Variants in BCOR observed in about 807,000 individuals in gnomAD.
BCOR encodes the protein BCL6 corepressor, also known as BCL-6 corepressor.
In BCOR, 10 loss-of-function variants were observed where a neutral mutation model predicts 86.7. The observed-to-expected ratio is 0.12, with a 90% confidence interval of 0.07 to 0.20. The LOEUF is 0.20. BCOR is among the 10% of genes least tolerant of loss of function. The pLI is 1.00. For missense variants in BCOR, 1,259 were observed against 1,452.1 expected (o/e 0.87, Z 2.16); for synonymous variants, 611 against 609.0 (o/e 1.00, Z -0.05).
intron 2 of BCOR, chrX:40,077,427 G>A (rs754494452): frequency 1.7e-5 from 3 of 174,357 alleles, no homozygotes; most frequent in African/African-American, 9.4e-5. Flanking sequence ...AGGCAGCAGA[G>A]GACAATGAGA....
chrX:40,109,208 C>T (rs1462876546), intron 1 of BCOR, among the ~76,000 whole-genome samples: 2 of 112,236 alleles, frequency 1.8e-5, no homozygotes, highest in South Asian at 3.6e-4. Context: ...GCCCGGGAAC[C>T]GGGAGGGCAG....
chrX:40,075,102 G>A lies in BCOR; in HGVS notation c.244C>T (p.Leu82=). 8.3e-7 allele frequency: 1 copy of A among 1,209,420 alleles called. No individual in the cohort carries two copies. Residue 82 remains leucine (L), a synonymous_variant, in exon 4 of 15, where the codon CTG becomes TTG. Coordinates refer to ENST00000378444, the MANE Select transcript of BCOR (RefSeq NM_001123385.2). ...MDRTGLIREG[L]RVPGNIVYSS... is the part of the protein sequence containing the mutation. ...TAGACGATGTTTCCCGGGACCCGCA[G>A]CCCTTCCCGGATCAGGCCAGTGCGG...
At chrX:40,077,633 G>A (rs1935872553) in intron 2 of BCOR, 5 of 435,653 alleles carry the variant, frequency 1.1e-5, no homozygotes, top group Non-Finnish European at 2.0e-5. Flanking sequence ...AAAGTGCACT[G>A]AAAGGCCGCT....
At chrX:40,110,493 C>T (rs1029000070) in intron 1 of BCOR, among the ~76,000 whole-genome samples, 9 of 108,493 alleles carry the variant, frequency 8.3e-5, no homozygotes, top group Non-Finnish European at 1.5e-4. Flanking sequence ...CTTAACATTT[C>T]AGGCAAAATA....
intron 1 of BCOR, among the ~76,000 whole-genome samples, chrX:40,160,064 C>T (rs1355752257): frequency 9.0e-6 from 1 of 111,552 alleles, no homozygotes; most frequent in Non-Finnish European, 1.9e-5. Context: ...AAGTATGGTA[C>T]AGAGATCTGA....
chrX:40,109,604 G>C (rs1239087566), intron 1 of BCOR, among the ~76,000 whole-genome samples: 2 of 111,152 alleles, frequency 1.8e-5, no homozygotes, highest in East Asian at 5.8e-4. Flanking sequence ...ACCCTCCGGG[G>C]CCCGGACGGG....
chrX:40,160,820 C>T (rs1411549326), intron 1 of BCOR, among the ~76,000 whole-genome samples: 4 of 104,753 alleles, frequency 3.8e-5, no homozygotes, highest in Non-Finnish European at 7.8e-5. Flanking sequence ...CACTCCGCCA[C>T]GCCCGGCTAA....
At chrX:40,084,461 C>T (rs1936256276) in intron 1 of BCOR, among the ~76,000 whole-genome samples, 1 of 111,948 alleles carries the variant, frequency 8.9e-6, no homozygotes, top group Non-Finnish European at 1.9e-5. Flanking sequence ...GGAGGCCACC[C>T]GGCAACAGAA....
intron 1 of BCOR, among the ~76,000 whole-genome samples, chrX:40,154,587 C>A (rs1459424328): frequency 9.2e-6 from 1 of 109,154 alleles, no homozygotes; most frequent in Non-Finnish European, 1.9e-5. Flanking sequence ...CTACGTCCCC[C>A]CCACCCCACC....
Position 40,054,006 on chromosome X carries a change from T to C in BCOR, c.4856A>G (p.Asn1619Ser). Residue 1619 changes from asparagine (N) to serine (S), a missense_variant, in exon 14 of 15, where the codon AAC becomes AGC. Transcript: ENST00000378444. ...ATCCTGGTCTTCTGGTCCTGGGGGG[T>C]TGGCTAAAACATCATAGCCACTTTC... ...DDESGYDVLA[N>S]PPGPEDQDDD... 1 of 1,211,304 alleles carries C rather than the reference T, an allele frequency of 8.3e-7. No homozygotes were observed. The highest frequency in any genetic ancestry group is 1.1e-6 in the Non-Finnish European group (1 of 895,249).
chrX:40,054,800 G>A (rs765029182), intron 12 of BCOR, among the ~76,000 whole-genome samples: 10 of 112,710 alleles, frequency 8.9e-5, no homozygotes, highest in Admixed American at 1.9e-4. Context: ...AACTGTGTCC[G>A]GCCTACTTAT....
intron 1 of BCOR, among the ~76,000 whole-genome samples, chrX:40,159,041 A>T (rs1203389365): frequency 1.8e-5 from 2 of 111,325 alleles, no homozygotes; most frequent in South Asian, 3.8e-4. Context: ...CAATTATTTT[A>T]AAAATAATCT....
chrX:40,062,510 C>T (rs770283527), intron 9 of BCOR, 117 bp from the exon 10 acceptor site: 4 of 973,238 alleles, frequency 4.1e-6, no homozygotes, highest in Non-Finnish European at 5.6e-6. Flanking sequence ...TATTCCTTAT[C>T]TTTTTTTGGG....
At position 40,055,423 on chromosome X, in the gene BCOR, T is replaced by G. The variant is rs769483979; in HGVS notation, c.4686A>C (p.Ser1562=). ...GGGTCATTTTCATGATGGTTCTACCTGAGTACGTAGCCAAGGTGGGGTCAG... is the reference window on the plus strand; with the variant it reads ...GGGTCATTTTCATGATGGTTCTACCGGAGTACGTAGCCAAGGTGGGGTCAG... ...YGADPTLATY[S]GRTIMKMTHS... is the part of the protein sequence containing the mutation. Residue 1562 remains serine, a synonymous_variant, in exon 12 of 15, where the codon TCA becomes TCC. Coordinates refer to ENST00000378444, the MANE Select transcript of BCOR (RefSeq NM_001123385.2). 1 of 1,210,956 alleles carries G rather than the reference T, an allele frequency of 8.3e-7. No homozygotes were observed. The highest frequency in any genetic ancestry group is 1.1e-6 in the Non-Finnish European group (1 of 894,450).
rs898781730 is a variant in BCOR, at chrX:40,074,725, G to A, written c.621C>T (p.Leu207=). The stretch of plus-strand genomic sequence containing the variant: ...TCAGTGAATACTTATTTGGCGAGTC[G>A]AGGAAAGGGTAGATGGCTGGCGTGG... ...EGATPAIYPF[L]DSPNKYSLNM... Residue 207 remains leucine (L), a synonymous_variant, in exon 4 of 15, where the codon CTC becomes CTT. Transcript: ENST00000378444. The A allele has an allele frequency of 5.0e-6, 6 of 1,209,687 alleles. No homozygotes were observed. Among genetic ancestry groups the A allele is most frequent in the Middle Eastern group, 2.3e-4 (1 of 4,376 alleles).
chrX:40,130,616 C>G (rs956364157), intron 1 of BCOR, among the ~76,000 whole-genome samples: 1 of 105,827 alleles, frequency 9.4e-6, no homozygotes, highest in Admixed American at 9.8e-5. Flanking sequence ...GGAAGCATGT[C>G]GGTGGGGAGG....
intron 1 of BCOR, among the ~76,000 whole-genome samples, chrX:40,123,828 C>T (rs138496947): frequency 0.013 from 1,434 of 109,893 alleles, 22 homozygotes; most frequent in African/African-American, 0.045. Flanking sequence ...TGTGCACGCG[C>T]GCACGCATAA....
intron 1 of BCOR, among the ~76,000 whole-genome samples, chrX:40,094,253 C>T (rs890756264): frequency 5.3e-5 from 6 of 112,507 alleles, no homozygotes; most frequent in South Asian, 3.6e-4. Flanking sequence ...CCTCCCCCCC[C>T]TCCAGTCCTT....
intron 1 of BCOR, among the ~76,000 whole-genome samples, chrX:40,134,815 G>T (rs774944831): frequency 9.0e-6 from 1 of 111,593 alleles, no homozygotes; most frequent in South Asian, 3.8e-4. Flanking sequence ...TTGCTTACAA[G>T]ATGTAAACCT....
Sources: gnomAD v4.1 joint callset for allele counts (sites outside exome capture counted in the v4.1 genomes callset) on GRCh38, gnomAD v4.1.1 for gene constraint, MANE v1.5 for transcripts, NCBI Gene and HGNC (gene_info 2026-07-23, HGNC 2026-07-21) for gene names.